Variants in BOD1L1 observed in about 807,000 individuals in gnomAD.
BOD1L1 encodes the protein biorientation of chromosomes in cell division protein 1-like 1.
A neutral mutation model predicts 240.7 loss-of-function variants in BOD1L1; 86 were observed. That is an observed-to-expected ratio of 0.36 (90% confidence interval 0.30 to 0.43). BOD1L1 has a LOEUF of 0.43. BOD1L1 is among the 20% of genes least tolerant of loss of function. BOD1L1 has a pLI of 1.00. For synonymous variants in BOD1L1, 1,268 were observed against 1,272.3 expected, an observed-to-expected ratio of 1.00 and a Z score of 0.07; for missense variants, 3,554 against 3,643.5, an observed-to-expected ratio of 0.98 and a Z score of 0.63.
rs1350827648 is a variant in BOD1L1, at chr4:13,600,176, G to A, written c.6724C>T (p.Arg2242Ter). Residue 2242 changes from arginine to a stop codon, truncating the protein, a stop_gained, in exon 10 of 26, where the codon CGA becomes TGA. Transcript: ENST00000040738. LOFTEE classifies it high-confidence loss of function. Reference protein sequence around the residue: ...SGVVVESENERAGTVMEEKDG... With the variant: ...SGVVVESENE ...TTTTCTTCCATGACTGTGCCAGCTC[G>A]CTCATTTTCACTTTCAACAACTACA... 5 of 1,613,902 alleles carry A rather than the reference G, an allele frequency of 3.1e-6. No homozygotes were observed. The highest frequency in any genetic ancestry group is 1.7e-5 in the Admixed American group (1 of 60,018).
intron 25 of BOD1L1, among the ~76,000 whole-genome samples, chr4:13,571,456 A>G (rs1435926057): frequency 6.6e-6 from 1 of 152,202 alleles, no homozygotes; most frequent in African/African-American, 2.4e-5. Context: ...TTTGTTGATA[A>G]TCCATTTCAA....
intron 19 of BOD1L1, 23 bp downstream of exon 19, chr4:13,582,214 C>CA: frequency 2.5e-6 from 4 of 1,590,256 alleles, no homozygotes; most frequent in Non-Finnish European, 3.4e-6. Flanking sequence ...TGTGAACAAA[C>CA]AAATACGAAA....
At chr4:13,614,078 A>G in intron 4 of BOD1L1, 118 bp downstream of exon 4, 6 of 928,092 alleles carry the variant, frequency 6.5e-6, no homozygotes, top group East Asian at 2.8e-5. Flanking sequence ...CAAAGGGGAT[A>G]TAAGTTTCCA....
rs746925029 is a variant in BOD1L1, at chr4:13,600,559, T to C, written c.6341A>G (p.Glu2114Gly). The change falls in exon 10 of 26, where the codon GAA becomes GGA. Residue 2114 changes from glutamate to glycine, a missense_variant. Glu to Gly is a moderately conservative substitution (Grantham distance 98, BLOSUM62 -2). Coordinates refer to ENST00000040738, the MANE Select transcript of BOD1L1 (RefSeq NM_148894.3). Reference sequence around the variant, plus strand: ...TGCACTGGGCATGGGGGCCTCAAATTCTTCTGTGGTTACTCTGGTACCTTC... The same window carrying C: ...TGCACTGGGCATGGGGGCCTCAAATCCTTCTGTGGTTACTCTGGTACCTTC... ...NMEGTRVTTE[E>G]FEAPMPSAVS... The C allele has an allele frequency of 1.9e-6, 3 of 1,613,588 alleles. No individual in the cohort carries two copies. The highest frequency in any genetic ancestry group is 1.1e-5 in the South Asian group (1 of 91,054).
At position 13,597,767 on chromosome 4, in the gene BOD1L1, T is replaced by C. The variant is rs575682186; in HGVS notation, c.7955-599A>G. Among the ~76,000 whole-genome samples the C allele has an allele frequency of 9.8e-5, 15 of 152,350 alleles. No homozygotes were observed. In the East Asian group the frequency reaches 1.2e-3, roughly 12 times the overall value. ...GAGGAATGAGTAATTGTAGCAATGA[T>C]TGAGTCATAAAAACTTCTGGAGCAT... is the stretch of plus-strand genomic sequence containing the variant. On this transcript the variant is annotated intron_variant, in intron 10 of 25. Coordinates refer to ENST00000040738, the MANE Select transcript of BOD1L1 (RefSeq NM_148894.3).
rs1414251321 is a variant in BOD1L1 at position 13,569,528 on chromosome 4, A to T, written c.*483T>A. On this transcript the variant is annotated 3_prime_UTR_variant, in exon 26 of 26. Transcript: ENST00000040738. Reference sequence around the variant, plus strand: ...TTAAAACCCTTTTTATTTAAAAAAAAAATAAAGTAAAATAAACAGATATAT... The same window carrying T: ...TTAAAACCCTTTTTATTTAAAAAAATAATAAAGTAAAATAAACAGATATAT... The T allele has an allele frequency of 6.6e-6, 1 of 152,222 alleles. No individual in the cohort carries two copies. Among genetic ancestry groups the T allele is most frequent in the African/African-American group, 2.4e-5 (1 of 41,470 alleles). The allele number at this position is 152,222 out of a possible 1,614,324, so 9.4% of individuals were successfully genotyped here.
chr4:13,598,152 G>A (rs550603317), intron 10 of BOD1L1, among the ~76,000 whole-genome samples: 8 of 152,262 alleles, frequency 5.3e-5, no homozygotes, highest in African/African-American at 1.4e-4. Flanking sequence ...GAAGTTGGAC[G>A]GTATAAGGCA....
chr4:13,603,116 C>T lies in BOD1L1; in HGVS notation c.3784G>A (p.Glu1262Lys), dbSNP rs753620133. The change falls in exon 10 of 26, where the codon GAA (glutamate) becomes AAA (lysine). Residue 1262 changes from glutamate (E) to lysine (K), a missense_variant. Glu to Lys is a moderately conservative substitution (Grantham distance 56). Coordinates refer to ENST00000040738, the MANE Select transcript of BOD1L1 (RefSeq NM_148894.3). ...GCATCTCCTTGAGCAACATGTTCTT[C>T]AGCAGCTGTGTTTTTCAAATTCTTC... ...VQKNLKNTAAEEHVAQGDATL... is the reference protein window; with the variant it reads ...VQKNLKNTAAKEHVAQGDATL... The T allele has an allele frequency of 1.2e-6, 2 of 1,613,990 alleles. No individual in the cohort carries two copies. The highest frequency in any genetic ancestry group is 2.2e-5 in the South Asian group (2 of 91,084).
At chr4:13,593,359 G>A (rs1357427745) in intron 12 of BOD1L1, 1 of 152,004 alleles carries the variant, frequency 6.6e-6, no homozygotes, top group Admixed American at 6.6e-5. Flanking sequence ...TTGGTATTAG[G>A]GATGATTATT....
In BOD1L1 at chr4:13,599,278, G is replaced by C. The variant is rs1458410244; in HGVS notation, c.7622C>G (p.Pro2541Arg). The stretch of plus-strand genomic sequence containing the variant: ...ATGCTCAGCCACGGTCCCTTGAACA[G>C]GTGGCATGTCATCAGCTTTTATAGC... ...TGAIKADDMP[P>R]VQGTVAEHSF... is the part of the protein sequence containing the mutation. Residue 2541 changes from proline to arginine, a missense_variant, in exon 10 of 26, where the codon CCT becomes CGT. Transcript: ENST00000040738. 1.2e-6 allele frequency: 2 copies of C among 1,613,752 alleles called. No individual in the cohort carries two copies. Among genetic ancestry groups the C allele is most frequent in the South Asian group, 1.1e-5 (1 of 91,050 alleles).
In BOD1L1 at chr4:13,582,709, A is replaced by G. The variant is rs1347695160; in HGVS notation, c.8461T>C (p.Leu2821=). 1.2e-6 allele frequency: 2 copies of G among 1,612,406 alleles called. No homozygotes were observed. The highest frequency in any genetic ancestry group is 3.3e-5 in the Admixed American group (2 of 59,988). The change falls in exon 18 of 26, where the codon TTA becomes CTA. Residue 2821 remains leucine (L), a synonymous_variant. Transcript: ENST00000040738. ...TTTGTCTCAGAACTGGTTTTAGGTA[A>G]TTCTTCCAAATCTCTGGAGTTCTCT... is the stretch of plus-strand genomic sequence containing the variant. ...KEENSRDLEE[L]PKTSSETNST...
chr4:13,583,466 C>A (rs1219224160), intron 17 of BOD1L1, among the ~76,000 whole-genome samples: 2 of 152,144 alleles, frequency 1.3e-5, no homozygotes, highest in African/African-American at 4.8e-5. Flanking sequence ...GAAATGCCCT[C>A]ACCCCCGATT....
intron 4 of BOD1L1, 115 bp downstream of exon 4, chr4:13,614,081 A>C: frequency 2.1e-6 from 2 of 965,584 alleles, no homozygotes; most frequent in Non-Finnish European, 2.9e-6. Flanking sequence ...AGGGGATATA[A>C]GTTTCCAAAA....
chr4:13,587,655 AT>A lies in BOD1L1; in HGVS notation c.8353+43del, dbSNP rs752261303. The A allele has an allele frequency of 3.6e-6, 5 of 1,393,414 alleles. No homozygotes were observed. In the African/African-American group the frequency reaches 7.2e-5, roughly 20 times the overall value. The allele number at this position is 1,393,414 out of a possible 1,614,324, so 86.3% of individuals were successfully genotyped here. The stretch of plus-strand genomic sequence containing the variant: ...GCTCACTCTTTTGGATATAAAAATA[AT>A]GATTTTCAAAGATGTCTAAAACAGA... On this transcript the variant is annotated intron_variant, in intron 16 of 25. Coordinates refer to ENST00000040738, the MANE Select transcript of BOD1L1 (RefSeq NM_148894.3).
In BOD1L1 at chr4:13,582,698, G is replaced by T; in HGVS notation, c.8472C>A (p.Thr2824=). The T allele has an allele frequency of 6.2e-7, 1 of 1,612,844 alleles. No individual in the cohort carries two copies. The highest frequency in any genetic ancestry group is 1.1e-5 in the South Asian group (1 of 91,036). The change falls in exon 18 of 26, where the codon ACC becomes ACA. Residue 2824 remains threonine (T), a synonymous_variant. Transcript: ENST00000040738. The stretch of plus-strand genomic sequence containing the variant: ...AGGTAGTGCTATTTGTCTCAGAACT[G>T]GTTTTAGGTAATTCTTCCAAATCTC... The part of the protein sequence containing the change: ...NSRDLEELPK[T]SSETNSTTSR...
At chr4:13,610,447 T>G (rs765263260) in intron 6 of BOD1L1, among the ~76,000 whole-genome samples, 4 of 152,214 alleles carry the variant, frequency 2.6e-5, no homozygotes, top group Non-Finnish European at 4.4e-5. Context: ...TCTTAACTCT[T>G]TGAGCACTGA....
chr4:13,602,197 T>C lies in BOD1L1; in HGVS notation c.4703A>G (p.His1568Arg). ...EADEGLIIGT[H>R]SRNNPLHVGA... ...AACATGAAGAGGATTATTTCTGGAA[T>C]GTGTTCCTATTATGAGGCCTTCATC... The change falls in exon 10 of 26, where the codon CAT becomes CGT. Residue 1568 changes from histidine (H) to arginine (R), a missense_variant. Physicochemically the swap from His to Arg is conservative, Grantham distance 29 (BLOSUM62 0). This residue lies in a region of BOD1L1 where 3,393 missense variants were observed against 3,427.1 expected (regional missense o/e 0.99). Coordinates refer to ENST00000040738, the MANE Select transcript of BOD1L1 (RefSeq NM_148894.3). 1.2e-6 allele frequency: 2 copies of C among 1,613,762 alleles called. No homozygotes were observed. The highest frequency in any genetic ancestry group is 1.7e-6 in the Non-Finnish European group (2 of 1,179,732).
chr4:13,627,632 T>C lies in BOD1L1; in HGVS notation c.-45A>G, dbSNP rs1717516743. The C allele has an allele frequency of 5.2e-6, 6 of 1,146,528 alleles. No homozygotes were observed. Among genetic ancestry groups the C allele is most frequent in the Non-Finnish European group, 6.4e-6 (6 of 932,062 alleles). 71.0% of individuals were successfully genotyped at this position (1,146,528 alleles called of 1,614,324 possible). On this transcript the variant is annotated 5_prime_UTR_variant, in exon 1 of 26. Transcript: ENST00000040738. Reference sequence around the variant, plus strand: ...GGCAAGGGCCCTGACCGGCGGACGATCCTGGGAGGCGGCGGCTGCACTGGT... The same window carrying C: ...GGCAAGGGCCCTGACCGGCGGACGACCCTGGGAGGCGGCGGCTGCACTGGT...
chr4:13,584,745 A>AT (rs1167858274), intron 17 of BOD1L1, among the ~76,000 whole-genome samples: 1 of 151,856 alleles, frequency 6.6e-6, no homozygotes, highest in South Asian at 2.1e-4. Flanking sequence ...AGTGCCTGGA[A>AT]TTTTTTCACG....
Sources: allele counts gnomAD v4.1 joint callset (sites outside exome capture counted in the v4.1 genomes callset), GRCh38; gene constraint gnomAD v4.1.1; regional missense constraint gnomAD v4.1.1; transcripts MANE v1.5; gene names NCBI Gene and HGNC (gene_info 2026-07-23, HGNC 2026-07-21).